Variants in NCKAP5 observed in about 807,000 individuals in gnomAD.
The protein encoded by NCKAP5 is nck-associated protein 5.
NCKAP5 carries 92 observed loss-of-function variants against 167.0 expected under a neutral mutation model. That is an observed-to-expected ratio of 0.55 (90% CI 0.47 to 0.66). The LOEUF is 0.66. NCKAP5 is among the 30% of genes least tolerant of loss of function. The probability of loss-of-function intolerance (pLI) is 0.00; values close to 1 mark genes in which losing one functional copy is unlikely to be tolerated. For synonymous variants in NCKAP5, 891 were observed against 877.4 expected, an observed-to-expected ratio of 1.02 and a Z score of -0.27; for missense variants, 2,378 against 2,315.0, an observed-to-expected ratio of 1.03 and a Z score of -0.56.
chr2:133,447,664 TC>T, intron 3 of NCKAP5, among the ~76,000 whole-genome samples: 1 of 151,866 alleles, frequency 6.6e-6, no homozygotes, highest in East Asian at 1.9e-4. Flanking sequence ...TCTTTTCTTT[TC>T]TTTTTGTAGA....
Position 132,992,602 on chromosome 2 carries a change from G to A in NCKAP5, c.429+1550C>T, listed in dbSNP as rs376918640. Among the ~76,000 whole-genome samples the A allele has an allele frequency of 2.0e-3, 299 of 152,258 alleles. 3 individuals carry two copies. Among genetic ancestry groups the A allele is most frequent in the African/African-American group, 6.9e-3 (286 of 41,544 alleles). On this transcript the variant is annotated intron_variant, in intron 7 of 19. Coordinates refer to ENST00000409261, the MANE Select transcript of NCKAP5 (RefSeq NM_207363.3). ...GAACCATTCAATGCAGAATCGAGTC[G>A]CATTTTTTACTTACACCTCAACTTT...
chr2:133,536,896 A>T (rs1221862656), intron 2 of NCKAP5, among the ~76,000 whole-genome samples: 1 of 151,956 alleles, frequency 6.6e-6, no homozygotes, highest in African/African-American at 2.4e-5. Flanking sequence ...CAAGGCAGTG[A>T]AGATTTACTT....
At chr2:132,761,568 C>A (rs984619677) in intron 16 of NCKAP5, among the ~76,000 whole-genome samples, 4 of 152,170 alleles carry the variant, frequency 2.6e-5, no homozygotes, top group African/African-American at 9.7e-5. Flanking sequence ...TATATTATAT[C>A]CTATACTTTA....
At position 133,369,889 on chromosome 2, in the gene NCKAP5, A is replaced by G. The variant is rs13024897; in HGVS notation, c.70-66779T>C. Among the ~76,000 whole-genome samples the G allele has an allele frequency of 7.3e-3, 1,118 of 152,366 alleles. 5 individuals carry two copies. Among genetic ancestry groups the G allele is most frequent in the Middle Eastern group, 0.041 (12 of 294 alleles). ...TATATTTTGCTTGAAGTGTTTTTTA[A>G]GAAATGATTTATCTTCATTCCATCT... On this transcript the variant is annotated intron_variant, in intron 3 of 19. Transcript: ENST00000409261.
intron 16 of NCKAP5, among the ~76,000 whole-genome samples, chr2:132,748,472 C>G (rs1402049299): frequency 6.6e-6 from 1 of 152,210 alleles, no homozygotes; most frequent in East Asian, 1.9e-4. Context: ...TATGGCAACA[C>G]TTTTTCTATA....
chr2:133,305,263 T>C (rs916411264), intron 3 of NCKAP5, among the ~76,000 whole-genome samples: 1 of 152,184 alleles, frequency 6.6e-6, no homozygotes, highest in Non-Finnish European at 1.5e-5. Context: ...AATGAGACTT[T>C]AGTATCAAAG....
chr2:133,603,228 C>CTCT, the NCKAP5 span, among the ~76,000 whole-genome samples: 1 of 137,902 alleles, frequency 7.3e-6, no homozygotes, highest in African/African-American at 2.8e-5. Flanking sequence ...CTTTTTCTTT[C>CTCT]TTTTTTTTTT....
At chr2:132,779,943 A>C (rs1248289346) in intron 15 of NCKAP5, among the ~76,000 whole-genome samples, 1 of 152,174 alleles carries the variant, frequency 6.6e-6, no homozygotes, top group Non-Finnish European at 1.5e-5. Flanking sequence ...GAGTACAAAA[A>C]GATATGGATA....
At chr2:133,587,562 A>G in the NCKAP5 span, among the ~76,000 whole-genome samples, 1 of 152,236 alleles carries the variant, frequency 6.6e-6, no homozygotes, top group African/African-American at 2.4e-5. Context: ...AAAACTGAGA[A>G]AAGTCCTCAG....
chr2:133,287,944 C>A (rs1350591857), intron 4 of NCKAP5, among the ~76,000 whole-genome samples: 1 of 152,162 alleles, frequency 6.6e-6, no homozygotes, highest in Non-Finnish European at 1.5e-5. Context: ...CATAACATTT[C>A]TATTACAACT....
chr2:132,744,742 A>G (rs565922217), intron 16 of NCKAP5, among the ~76,000 whole-genome samples: 6 of 151,898 alleles, frequency 4.0e-5, no homozygotes, highest in African/African-American at 1.4e-4. Context: ...TGACTAAAGG[A>G]GAAAAGACAA....
intron 4 of NCKAP5, among the ~76,000 whole-genome samples, chr2:133,281,015 C>CA (rs529014057): frequency 1.5e-4 from 23 of 152,172 alleles, no homozygotes; most frequent in Non-Finnish European, 3.1e-4. Context: ...TATACTGACA[C>CA]AACTAGAGCA....
intron 3 of NCKAP5, among the ~76,000 whole-genome samples, chr2:133,472,482 T>C (rs1296230038): frequency 5.3e-5 from 8 of 152,066 alleles, no homozygotes; most frequent in Admixed American, 3.9e-4. Flanking sequence ...GCTTCTCCTC[T>C]CCTTTTTAGG....
chr2:133,617,798 A>C, the NCKAP5 span, among the ~76,000 whole-genome samples: 1 of 151,150 alleles, frequency 6.6e-6, no homozygotes. Context: ...AATTGGAAAA[A>C]ACTACTTTAA....
intron 3 of NCKAP5, among the ~76,000 whole-genome samples, chr2:133,511,125 A>C (rs1300995764): frequency 6.6e-6 from 1 of 152,140 alleles, no homozygotes; most frequent in Non-Finnish European, 1.5e-5. Context: ...CTCATTGCTG[A>C]CATGCTCTAT....
intron 5 of NCKAP5, among the ~76,000 whole-genome samples, chr2:133,146,002 T>C (rs1333630526): frequency 2.6e-5 from 4 of 152,114 alleles, no homozygotes; most frequent in African/African-American, 9.7e-5. Flanking sequence ...TAATATGCCT[T>C]TGTCCTTTAT....
At chr2:132,920,763 A>G (rs193144996) in intron 8 of NCKAP5, among the ~76,000 whole-genome samples, 4,630 of 69,138 alleles carry the variant, frequency 0.067, 875 homozygotes, top group East Asian at 0.27. Flanking sequence ...ATATGTATAT[A>G]TATGTATGTA....
intron 18 of NCKAP5, among the ~76,000 whole-genome samples, chr2:132,728,420 A>C (rs1353556653): frequency 6.6e-6 from 1 of 152,202 alleles, no homozygotes; most frequent in Admixed American, 6.5e-5. Context: ...ATAGAATTAG[A>C]TCTGCTTTCC....
chr2:132,758,370 C>T (rs1426823762), intron 16 of NCKAP5, among the ~76,000 whole-genome samples: 1 of 152,156 alleles, frequency 6.6e-6, no homozygotes, highest in East Asian at 1.9e-4. Flanking sequence ...TCATTTGTTG[C>T]CAGCCTTTTT....
Sources: allele counts gnomAD v4.1 joint callset (sites outside exome capture counted in the v4.1 genomes callset), GRCh38; gene constraint gnomAD v4.1.1; transcripts MANE v1.5; gene names NCBI Gene and HGNC (gene_info 2026-07-23, HGNC 2026-07-21).